Variants in CFAP95 observed in about 807,000 individuals in gnomAD.
CFAP95 encodes the protein cilia and flagella associated protein 95.
At chr9:69,862,020 T>C in the CFAP95 span, among the ~76,000 whole-genome samples, 2 of 152,188 alleles carry the variant, frequency 1.3e-5, no homozygotes, top group Admixed American at 1.3e-4. Context: ...GTTGCAATTG[T>C]TTGCATTCTT....
At chr9:69,876,232 G>T in the CFAP95 span, among the ~76,000 whole-genome samples, 1 of 152,080 alleles carries the variant, frequency 6.6e-6, no homozygotes, top group African/African-American at 2.4e-5. Context: ...TACTAAATTT[G>T]ATTTGCAAGA....
chr9:69,890,171 A>C, the CFAP95 span, among the ~76,000 whole-genome samples: 6 of 152,084 alleles, frequency 3.9e-5, no homozygotes, highest in Admixed American at 2.6e-4. Flanking sequence ...CTAATTAAAA[A>C]CTCACAAATT....
chr9:69,843,557 C>T, the CFAP95 span, among the ~76,000 whole-genome samples: 1,565 of 14,690 alleles, frequency 0.11, 288 homozygotes, highest in Admixed American at 0.16. Context: ...TCCTCCTCCT[C>T]CTTCTTCTTC....
At chr9:69,823,944 T>C in the CFAP95 span, among the ~76,000 whole-genome samples, 1 of 152,202 alleles carries the variant, frequency 6.6e-6, no homozygotes, top group East Asian at 1.9e-4. Flanking sequence ...TGGTGGAATG[T>C]CATCAGTTAA....
chr9:69,837,991 C>G, the CFAP95 span, among the ~76,000 whole-genome samples: 1 of 152,292 alleles, frequency 6.6e-6, no homozygotes, highest in African/African-American at 2.4e-5. Context: ...AACAGGGAAT[C>G]CTTTCCCCAT....
chr9:69,875,259 T>G, the CFAP95 span, among the ~76,000 whole-genome samples: 3 of 151,844 alleles, frequency 2.0e-5, no homozygotes, highest in Non-Finnish European at 4.4e-5. Flanking sequence ...TCACAAAGAG[T>G]TGGTGAGTAA....
the CFAP95 span, among the ~76,000 whole-genome samples, chr9:69,825,436 A>G: frequency 6.6e-6 from 1 of 152,176 alleles, no homozygotes; most frequent in African/African-American, 2.4e-5. Flanking sequence ...ATATCTCCAA[A>G]ATCCTTTTTA....
chr9:69,857,199 T>A, the CFAP95 span, among the ~76,000 whole-genome samples: 1 of 152,232 alleles, frequency 6.6e-6, no homozygotes, highest in Non-Finnish European at 1.5e-5. Flanking sequence ...GAGTATTTTA[T>A]GTCCTACATG....
the CFAP95 span, among the ~76,000 whole-genome samples, chr9:69,832,306 A>T: frequency 1.3e-5 from 2 of 152,184 alleles, no homozygotes; most frequent in Admixed American, 1.3e-4. Flanking sequence ...GAAAGATTGC[A>T]TGGTTTTTTA....
the CFAP95 span, among the ~76,000 whole-genome samples, chr9:69,871,017 G>A: frequency 6.6e-6 from 1 of 151,994 alleles, no homozygotes; most frequent in Non-Finnish European, 1.5e-5. Context: ...CCAGGAGTTC[G>A]AGACCAGCCT....
At chr9:69,856,592 T>G in the CFAP95 span, 1 of 1,611,382 alleles carries the variant, frequency 6.2e-7, no homozygotes, top group Non-Finnish European at 8.5e-7. Context: ...TTGTCACAAA[T>G]GTGTTTAAAC....
chr9:69,861,481 A>T, the CFAP95 span, among the ~76,000 whole-genome samples: 1 of 152,124 alleles, frequency 6.6e-6, no homozygotes, highest in East Asian at 1.9e-4. Context: ...TTTTTGATTA[A>T]GGACTCTCTT....
At chr9:69,902,920 G>T in the CFAP95 span, among the ~76,000 whole-genome samples, 1 of 152,018 alleles carries the variant, frequency 6.6e-6, no homozygotes, top group African/African-American at 2.4e-5. Flanking sequence ...CCTTGGTTTT[G>T]ACCCATTTAT....
At chr9:69,849,203 G>C in the CFAP95 span, among the ~76,000 whole-genome samples, 42,400 of 152,074 alleles carry the variant, frequency 0.28, 6,990 homozygotes, top group African/African-American at 0.45. Context: ...AAAGTGGGGA[G>C]TTTGGTCTAT....
chr9:69,857,929 C>G, the CFAP95 span: 1 of 1,613,934 alleles, frequency 6.2e-7, no homozygotes, highest in Non-Finnish European at 8.5e-7. Flanking sequence ...TTGCCTGCCA[C>G]AGGTTTTGGA....
chr9:69,845,798 C>T, the CFAP95 span, among the ~76,000 whole-genome samples: 6 of 152,184 alleles, frequency 3.9e-5, no homozygotes, highest in Non-Finnish European at 8.8e-5. Context: ...TTTGGCATCT[C>T]TATTTCTCTC....
chr9:69,896,978 C>G, the CFAP95 span, among the ~76,000 whole-genome samples: 6 of 152,292 alleles, frequency 3.9e-5, no homozygotes, highest in African/African-American at 1.4e-4. Flanking sequence ...AGATACCCAT[C>G]CCCCATTGGT....
chr9:69,844,449 T>A, the CFAP95 span: 6 of 954,762 alleles, frequency 6.3e-6, no homozygotes, highest in South Asian at 2.1e-5. Context: ...GGATAATTTT[T>A]AAAAATCTGA....
At chr9:69,861,747 A>AC in the CFAP95 span, among the ~76,000 whole-genome samples, 2 of 150,958 alleles carry the variant, frequency 1.3e-5, no homozygotes, top group African/African-American at 4.9e-5. Flanking sequence ...AAAAAAAAAA[A>AC]AAAAAACACA....
Sources: gnomAD v4.1 joint callset for allele counts (sites outside exome capture counted in the v4.1 genomes callset) on GRCh38, gnomAD v4.1.1 for gene constraint, MANE v1.5 for transcripts, NCBI Gene and HGNC (gene_info 2026-07-23, HGNC 2026-07-21) for gene names.